The following RALGAPA2 variants were observed in gnomAD, a reference collection of about 807,000 sequenced individuals.
RALGAPA2 encodes the protein Ral GTPase activating protein catalytic subunit alpha 2.
Under a neutral mutation model 230.4 loss-of-function variants are expected in RALGAPA2, and 139 were observed. That is an observed-to-expected ratio of 0.60 (90% CI 0.53 to 0.69). RALGAPA2 has a LOEUF of 0.69. Among genes scored for constraint, RALGAPA2 ranks in the 30% least tolerant of loss-of-function variants. The pLI is 0.00. For missense variants in RALGAPA2, 2,163 were observed against 2,276.0 expected, an observed-to-expected ratio of 0.95 and a Z score of 1.01; for synonymous variants, 847 against 837.8, an observed-to-expected ratio of 1.01 and a Z score of -0.19.
intron 24 of RALGAPA2, among the ~76,000 whole-genome samples, chr20:20,537,467 A>G (rs2063526909): frequency 6.6e-6 from 1 of 151,942 alleles, no homozygotes; most frequent in South Asian, 2.1e-4. Flanking sequence ...TAAGCATATA[A>G]AAATTAGCCA....
At chr20:20,509,627 T>A (rs1569453161) in intron 33 of RALGAPA2, among the ~76,000 whole-genome samples, 1 of 152,086 alleles carries the variant, frequency 6.6e-6, no homozygotes, top group African/African-American at 2.4e-5. Flanking sequence ...AACATGTATG[T>A]AGCTATATGA....
chr20:20,565,653 T>C (rs1196371074), intron 23 of RALGAPA2, among the ~76,000 whole-genome samples: 3 of 152,208 alleles, frequency 2.0e-5, no homozygotes, highest in Non-Finnish European at 2.9e-5. Flanking sequence ...TTTTTTAACA[T>C]TGATGTGACA....
At chr20:20,563,062 A>C (rs116590037) in intron 23 of RALGAPA2, among the ~76,000 whole-genome samples, 246 of 152,306 alleles carry the variant, frequency 1.6e-3, no homozygotes, top group African/African-American at 5.8e-3. Flanking sequence ...TCTGTATTTT[A>C]TCACTCTGAA....
chr20:20,658,226 C>T (rs1340305549), intron 3 of RALGAPA2, among the ~76,000 whole-genome samples: 1 of 152,162 alleles, frequency 6.6e-6, no homozygotes, highest in Non-Finnish European at 1.5e-5. Context: ...AAATCTTACA[C>T]AACAAGTCAA....
intron 7 of RALGAPA2, 75 bp downstream of exon 7, chr20:20,639,710 A>G (rs1423667724): frequency 9.9e-7 from 1 of 1,009,076 alleles, no homozygotes; most frequent in Non-Finnish European, 1.5e-6. Context: ...AGATACACAG[A>G]GGGAAAAGAG....
chr20:20,482,714 A>G (rs1354968278), intron 36 of RALGAPA2, among the ~76,000 whole-genome samples: 1 of 152,216 alleles, frequency 6.6e-6, no homozygotes, highest in Non-Finnish European at 1.5e-5. Context: ...GATTCCTGAG[A>G]GCAAAGTGAA....
chr20:20,542,143 T>C (rs1054425140), intron 24 of RALGAPA2, among the ~76,000 whole-genome samples: 4 of 152,098 alleles, frequency 2.6e-5, no homozygotes, highest in African/African-American at 9.7e-5. Context: ...AAATCGTGAG[T>C]GAACTCCCAT....
chr20:20,623,279 G>A (rs1034954970), intron 10 of RALGAPA2, among the ~76,000 whole-genome samples: 3 of 152,036 alleles, frequency 2.0e-5, no homozygotes, highest in East Asian at 1.9e-4. Context: ...AAGAGTTAGC[G>A]AAAGATGTAC....
Position 20,520,944 on chromosome 20 carries a change from A to C in RALGAPA2, c.4057T>G (p.Leu1353Val). The C allele has an allele frequency of 1.2e-6, 2 of 1,612,220 alleles. No individual in the cohort carries two copies. The highest frequency in any genetic ancestry group is 1.3e-5 in the African/African-American group (1 of 75,004). The change falls in exon 31 of 40, where the codon TTG becomes GTG. Residue 1353 changes from leucine to valine, a missense_variant. Physicochemically the swap from Leu to Val is conservative, Grantham distance 32. Transcript: ENST00000202677. Reference sequence around the variant, plus strand: ...TCTTCAACAGTCAGCAGGTTACCCAATTCTGCTGATGAATGATACTGGACT... The same window carrying C: ...TCTTCAACAGTCAGCAGGTTACCCACTTCTGCTGATGAATGATACTGGACT... ...EPVQYHSSAE[L>V]GNLLTVEEEK...
rs571109997 is a variant in RALGAPA2 at position 20,572,327 on chromosome 20, T to C, written c.2902-381A>G. Among the ~76,000 whole-genome samples the C allele has an allele frequency of 2.0e-5, 3 of 151,794 alleles. No individual in the cohort carries two copies. The South Asian group carries it at 6.3e-4, about 32-fold the overall frequency. On this transcript the variant is annotated intron_variant, in intron 21 of 39. Transcript: ENST00000202677. ...CAAAAATCAGAATAAAAATTGTATG[T>C]ACTACTCAGGAGGCTAAAGCAGGAG...
chr20:20,394,517 G>A (rs1178234161), intron 39 of RALGAPA2, among the ~76,000 whole-genome samples: 2 of 152,116 alleles, frequency 1.3e-5, no homozygotes, highest in Admixed American at 1.3e-4. Context: ...GTGCGCACCT[G>A]TAGTCCCAGC....
intron 1 of RALGAPA2, among the ~76,000 whole-genome samples, chr20:20,689,289 G>A (rs531740515): frequency 6.6e-6 from 1 of 152,274 alleles, no homozygotes; most frequent in East Asian, 1.9e-4. Context: ...TATTATGCCT[G>A]CTACAAATGT....
chr20:20,397,365 GAGC>G, intron 38 of RALGAPA2, among the ~76,000 whole-genome samples: 1 of 152,360 alleles, frequency 6.6e-6, no homozygotes, highest in Non-Finnish European at 1.5e-5. Flanking sequence ...CTCACCCACA[GAGC>G]AGCAGGGTCT....
In RALGAPA2 at chr20:20,641,134, C is replaced by T. The variant is rs141496071; in HGVS notation, c.373-256G>A. 7.9e-5 allele frequency among the ~76,000 whole-genome samples: 12 copies of T among 152,276 alleles called. No individual in the cohort carries two copies. In the East Asian group the frequency reaches 2.1e-3, roughly 27 times the overall value. On this transcript the variant is annotated intron_variant, in intron 5 of 39. Transcript: ENST00000202677. ...TCTAGCTGGGACCCATGGAGAACCA[C>T]TTAACTTCTCCATGCCTTAGTCTCC...
intron 3 of RALGAPA2, among the ~76,000 whole-genome samples, chr20:20,663,468 T>C (rs971327488): frequency 6.6e-6 from 1 of 152,124 alleles, no homozygotes; most frequent in Non-Finnish European, 1.5e-5. Flanking sequence ...CCTCAGCATA[T>C]AGTTTTTTTC....
chr20:20,526,400 C>T (rs1171661932), intron 27 of RALGAPA2, 38 bp from the exon 28 acceptor site: 1 of 1,341,302 alleles, frequency 7.5e-7, no homozygotes, highest in Non-Finnish European at 1.0e-6. Context: ...AGACACATAA[C>T]TTAACAGGTG....
chr20:20,703,412 A>G (rs1052448801), intron 1 of RALGAPA2, among the ~76,000 whole-genome samples: 1 of 152,210 alleles, frequency 6.6e-6, no homozygotes, highest in African/African-American at 2.4e-5. Context: ...CTCAATTGCT[A>G]GATTTTGCTA....
intron 35 of RALGAPA2, among the ~76,000 whole-genome samples, chr20:20,498,756 G>C (rs1254307825): frequency 6.6e-6 from 1 of 152,158 alleles, no homozygotes; most frequent in Non-Finnish European, 1.5e-5. Context: ...CTTTTCACTC[G>C]TACTGTATCA....
chr20:20,476,674 AAAATAAATAAATAAATAAATAAATAAAT>A (rs557603048), intron 36 of RALGAPA2, among the ~76,000 whole-genome samples: 1 of 139,428 alleles, frequency 7.2e-6, no homozygotes, highest in African/African-American at 2.6e-5. Flanking sequence ...CATAAATCAT[AAAATAAATAAATAAATAAATAAATAAAT>A]AAATAAATAA....
Sources: allele counts gnomAD v4.1 joint callset (sites outside exome capture counted in the v4.1 genomes callset), GRCh38; gene constraint gnomAD v4.1.1; transcripts MANE v1.5; gene names NCBI Gene and HGNC (gene_info 2026-07-23, HGNC 2026-07-21).